The following TENM4 variants were observed in gnomAD, a reference collection of about 807,000 sequenced individuals.
The protein encoded by TENM4 is teneurin-4.
A neutral mutation model predicts 243.3 loss-of-function variants in TENM4; 82 were observed. That is an observed-to-expected ratio of 0.34 (90% confidence interval 0.28 to 0.40). The LOEUF (loss-of-function observed/expected upper bound fraction) is 0.40, where lower values mean the gene tolerates loss of function less well. Ranked by LOEUF, TENM4 falls within the 10% of genes least tolerant of loss-of-function variation. TENM4 has a pLI of 1.00. For synonymous variants in TENM4, 1,412 were observed against 1,456.3 expected, an observed-to-expected ratio of 0.97 and a Z score of 0.69; for missense variants, 3,138 against 3,673.3, an observed-to-expected ratio of 0.85 and a Z score of 3.77.
chr11:79,382,448 C>A (rs1436334929), intron 1 of TENM4, among the ~76,000 whole-genome samples: 1 of 152,158 alleles, frequency 6.6e-6, no homozygotes, highest in Non-Finnish European at 1.5e-5. Flanking sequence ...AGAATTTAGT[C>A]AAAATGAGCA....
intron 18 of TENM4, among the ~76,000 whole-genome samples, chr11:78,763,606 A>G (rs1176856655): frequency 6.6e-6 from 1 of 152,192 alleles, no homozygotes; most frequent in Non-Finnish European, 1.5e-5. Flanking sequence ...CCTTGCAGGT[A>G]GTTGTCAAAT....
chr11:79,050,142 A>C (rs551708577), intron 6 of TENM4, among the ~76,000 whole-genome samples: 33 of 152,290 alleles, frequency 2.2e-4, no homozygotes, highest in African/African-American at 7.7e-4. Flanking sequence ...TGACTTATGA[A>C]ATGTCAGGTA....
intron 27 of TENM4, among the ~76,000 whole-genome samples, chr11:78,704,184 T>TATATATATAC (rs1859186807): frequency 6.9e-6 from 1 of 143,920 alleles, no homozygotes; most frequent in South Asian, 2.2e-4. Flanking sequence ...TATATATATA[T>TATATATATAC]ATATATATAT....
At chr11:78,872,476 G>A (rs780694574) in intron 9 of TENM4, among the ~76,000 whole-genome samples, 14 of 152,188 alleles carry the variant, frequency 9.2e-5, no homozygotes, top group Non-Finnish European at 1.6e-4. Context: ...CCAGGTCTGG[G>A]ATGGTGCCTG....
intron 12 of TENM4, among the ~76,000 whole-genome samples, chr11:78,824,410 A>G (rs1013214712): frequency 6.6e-6 from 1 of 152,076 alleles, no homozygotes; most frequent in Non-Finnish European, 1.5e-5. Flanking sequence ...TATCATGAGG[A>G]CAGTACCGAG....
chr11:79,327,915 C>G (rs899121202), intron 1 of TENM4, among the ~76,000 whole-genome samples: 1 of 152,108 alleles, frequency 6.6e-6, no homozygotes, highest in African/African-American at 2.4e-5. Flanking sequence ...GTTTCCAGGG[C>G]ACAATTTAGG....
At chr11:79,099,931 C>T (rs1311995490) in intron 4 of TENM4, among the ~76,000 whole-genome samples, 3 of 152,216 alleles carry the variant, frequency 2.0e-5, no homozygotes, top group Admixed American at 2.0e-4. Context: ...ATTTGTGCAG[C>T]CATTTGCTGC....
intron 9 of TENM4, among the ~76,000 whole-genome samples, chr11:78,889,578 G>C (rs1307830150): frequency 6.6e-6 from 1 of 152,218 alleles, no homozygotes; most frequent in Non-Finnish European, 1.5e-5. Flanking sequence ...TAAGTGCAGA[G>C]GGATGGAGAG....
chr11:79,137,903 A>C (rs900400492), intron 4 of TENM4, among the ~76,000 whole-genome samples: 6 of 152,028 alleles, frequency 3.9e-5, no homozygotes, highest in Admixed American at 6.6e-5. Flanking sequence ...GCATGGGTTC[A>C]GGTTGACAAG....
Position 78,854,299 on chromosome 11 carries a change from G to A in TENM4, c.1486C>T (p.Leu496=). The change falls in exon 12 of 34, where the codon CTG becomes TTG. Residue 496 remains leucine (L), a synonymous_variant. Coordinates refer to ENST00000278550, the MANE Select transcript of TENM4 (RefSeq NM_001098816.3). ...PSHTQFDFVE[L]LDGRRLLTQE... is the part of the protein sequence containing the mutation. ...GTTAGGAGCCTCCTGCCATCCAGCA[G>A]CTCCACAAAGTCAAACTGAAAGACA... 1 of 1,512,576 alleles carries A rather than the reference G, an allele frequency of 6.6e-7. No individual in the cohort carries two copies. Among genetic ancestry groups the A allele is most frequent in the South Asian group, 1.3e-5 (1 of 78,618 alleles). The allele number at this position is 1,512,576 out of a possible 1,614,324, so 93.7% of individuals were successfully genotyped here.
chr11:79,219,769 T>G (rs1864123091), intron 2 of TENM4, among the ~76,000 whole-genome samples: 1 of 152,214 alleles, frequency 6.6e-6, no homozygotes, highest in Non-Finnish European at 1.5e-5. Context: ...TCCACCGGTA[T>G]GTGGAGCTTG....
chr11:79,181,640 A>T (rs1863283082), intron 3 of TENM4, among the ~76,000 whole-genome samples: 1 of 152,050 alleles, frequency 6.6e-6, no homozygotes, highest in Non-Finnish European at 1.5e-5. Context: ...GATTGGGAAG[A>T]AAGAAATAAA....
chr11:78,667,969 T>G (rs1235633721), intron 32 of TENM4, among the ~76,000 whole-genome samples: 2 of 152,208 alleles, frequency 1.3e-5, no homozygotes, highest in African/African-American at 4.8e-5. Context: ...GGGCTGTGGC[T>G]GCTGGAGACA....
chr11:78,771,074 G>A lies in TENM4; in HGVS notation c.2457C>T (p.Cys819=), dbSNP rs755119868. 26 of 1,577,180 alleles carry A rather than the reference G, an allele frequency of 1.6e-5. No homozygotes were observed. Among genetic ancestry groups the A allele is most frequent in the African/African-American group, 1.2e-4 (9 of 74,046 alleles). The change falls in exon 18 of 34, where the codon TGC becomes TGT. Residue 819 remains cysteine (C), a synonymous_variant. Transcript: ENST00000278550. ...CTCCTCTCCAGCCCAGCTGGCAGAC[G>A]CAGTGCCAACCATTCAGGTCTAAGG... ...RCTLDLNGWH[C]VCQLGWRGAG... is the part of the protein sequence containing the mutation.
At chr11:79,152,792 C>T (rs568173776) in intron 3 of TENM4, among the ~76,000 whole-genome samples, 1 of 152,318 alleles carries the variant, frequency 6.6e-6, no homozygotes, top group East Asian at 1.9e-4. Context: ...CTGGACATAG[C>T]CTCCCAAAAT....
At chr11:78,866,628 ACCCCTTCCTCTCCACTGTACC>A (rs1858984621) in intron 9 of TENM4, among the ~76,000 whole-genome samples, 2 of 151,950 alleles carry the variant, frequency 1.3e-5, no homozygotes, top group Non-Finnish European at 2.9e-5. Context: ...GGGTGTTGGC[ACCCCTTCCTCTCCACTGTACC>A]CCCCTGGCAA....
chr11:79,027,816 G>A (rs1221420577), intron 6 of TENM4, among the ~76,000 whole-genome samples: 1 of 152,162 alleles, frequency 6.6e-6, no homozygotes, highest in African/African-American at 2.4e-5. Context: ...TATCTGTTCA[G>A]CTGGTGCCTG....
intron 1 of TENM4, among the ~76,000 whole-genome samples, chr11:79,342,855 C>T (rs972640689): frequency 3.3e-5 from 5 of 152,218 alleles, no homozygotes; most frequent in African/African-American, 1.2e-4. Flanking sequence ...AGTTCCCTTC[C>T]CCCTGCCTGC....
intron 1 of TENM4, among the ~76,000 whole-genome samples, chr11:79,344,405 G>A (rs987786629): frequency 2.0e-5 from 3 of 152,186 alleles, no homozygotes; most frequent in African/African-American, 7.2e-5. Context: ...CTCGGGCAGA[G>A]AGGGAAGAGC....
Sources: allele counts gnomAD v4.1 joint callset (sites outside exome capture counted in the v4.1 genomes callset), GRCh38; gene constraint gnomAD v4.1.1; transcripts MANE v1.5; gene names NCBI Gene and HGNC (gene_info 2026-07-23, HGNC 2026-07-21).